The following CNTNAP4 variants were observed in gnomAD, a reference collection of about 807,000 sequenced individuals.
The protein encoded by CNTNAP4 is contactin-associated protein-like 4.
CNTNAP4 carries 98 observed loss-of-function variants against 148.4 expected under a neutral mutation model. That is an observed-to-expected ratio of 0.66 (90% CI 0.56 to 0.78). CNTNAP4 has a LOEUF of 0.78. Ranked by LOEUF, CNTNAP4 falls within the 30% of genes least tolerant of loss-of-function variation. The pLI is 0.00. For synonymous variants in CNTNAP4, 730 were observed against 565.1 expected (o/e 1.29, Z -4.14); for missense variants, 1,935 against 1,565.6 (o/e 1.24, Z -3.98).
At chr16:76,417,411 A>G (rs900728006) in intron 3 of CNTNAP4, among the ~76,000 whole-genome samples, 1 of 151,402 alleles carries the variant, frequency 6.6e-6, no homozygotes, top group East Asian at 1.9e-4. Context: ...ACCAAAGTCT[A>G]TTTTCAAATA....
Position 76,280,891 on chromosome 16 carries a change from T to A in CNTNAP4, c.85+3144T>A, listed in dbSNP as rs993306973. ...AACTTACCCCAAAAGAAGGAATGGG[T>A]ACAGTAGTAAGGCTGATAAGAGTTT... On this transcript the variant is annotated intron_variant, in intron 1 of 23. Transcript: ENST00000611870. Among the ~76,000 whole-genome samples the A allele has an allele frequency of 5.4e-4, 82 of 152,150 alleles. 5 individuals carry two copies.
intron 15 of CNTNAP4, among the ~76,000 whole-genome samples, chr16:76,520,554 G>A (rs1380276477): frequency 1.3e-5 from 2 of 152,150 alleles, no homozygotes; most frequent in Non-Finnish European, 2.9e-5. Context: ...AATAAAAAGA[G>A]CATTTTCATG....
At chr16:76,347,353 T>C (rs1305961017) in intron 2 of CNTNAP4, among the ~76,000 whole-genome samples, 3 of 152,174 alleles carry the variant, frequency 2.0e-5, no homozygotes, top group Non-Finnish European at 4.4e-5. Flanking sequence ...AAATACTTTT[T>C]TAAGCACCTA....
intron 3 of CNTNAP4, among the ~76,000 whole-genome samples, chr16:76,399,158 C>G (rs1413462576): frequency 6.6e-6 from 1 of 152,174 alleles, no homozygotes; most frequent in Non-Finnish European, 1.5e-5. Context: ...GTCCCTTAAA[C>G]TGCTTTCCTT....
intron 15 of CNTNAP4, among the ~76,000 whole-genome samples, chr16:76,503,056 T>C (rs1478788810): frequency 6.6e-6 from 1 of 152,226 alleles, no homozygotes; most frequent in African/African-American, 2.4e-5. Flanking sequence ...ACTGCTGCTA[T>C]TATTGTTGAT....
intron 18 of CNTNAP4, 48 bp from the exon 19 acceptor site, chr16:76,538,067 TC>T (rs34005173): frequency 1.2e-6 from 1 of 846,986 alleles, no homozygotes; most frequent in Non-Finnish European, 1.6e-6. Flanking sequence ...TAAAACAAAA[TC>T]CTTGTACTTA....
intron 15 of CNTNAP4, among the ~76,000 whole-genome samples, chr16:76,500,974 TA>T (rs1282532130): frequency 6.6e-6 from 1 of 152,178 alleles, no homozygotes; most frequent in African/African-American, 2.4e-5. Context: ...AATTTTATGC[TA>T]GGGGCACAAC....
intron 2 of CNTNAP4, among the ~76,000 whole-genome samples, chr16:76,348,315 T>A (rs567019765): frequency 1.3e-5 from 2 of 151,802 alleles, no homozygotes; most frequent in Admixed American, 6.6e-5. Flanking sequence ...GTTAAAGAGA[T>A]CAAGTAGAAT....
intron 3 of CNTNAP4, among the ~76,000 whole-genome samples, chr16:76,370,585 C>T (rs573235892): frequency 1.3e-5 from 2 of 152,290 alleles, no homozygotes; most frequent in Admixed American, 1.3e-4. Flanking sequence ...GGGACACAGT[C>T]CACGTCACTC....
intron 2 of CNTNAP4, among the ~76,000 whole-genome samples, chr16:76,336,500 C>G (rs528015268): frequency 6.6e-6 from 1 of 152,302 alleles, no homozygotes; most frequent in African/African-American, 2.4e-5. Context: ...GAACTTATCA[C>G]TCATGAGCCA....
chr16:76,404,684 A>T (rs2078541510), intron 3 of CNTNAP4, among the ~76,000 whole-genome samples: 1 of 152,174 alleles, frequency 6.6e-6, no homozygotes. Flanking sequence ...CATGCAATGA[A>T]TAATACATGA....
At chr16:76,296,395 G>T (rs547756625) in intron 1 of CNTNAP4, among the ~76,000 whole-genome samples, 1 of 152,224 alleles carries the variant, frequency 6.6e-6, no homozygotes, top group South Asian at 2.1e-4. Context: ...TCCTATAGCT[G>T]AGTTATTTCA....
At chr16:76,365,026 T>C (rs2013939457) in intron 3 of CNTNAP4, among the ~76,000 whole-genome samples, 1 of 152,246 alleles carries the variant, frequency 6.6e-6, no homozygotes, top group African/African-American at 2.4e-5. Flanking sequence ...TTTAAGTCTT[T>C]AATCCATCTT....
Position 76,427,557 on chromosome 16 carries a change from G to A in CNTNAP4, c.496G>A (p.Gly166Ser). 2 of 1,612,852 alleles carry A rather than the reference G, an allele frequency of 1.2e-6. No homozygotes were observed. Among genetic ancestry groups the A allele is most frequent in the Non-Finnish European group, 8.5e-7 (1 of 1,179,326 alleles). The change falls in exon 4 of 24, where the codon GGC (glycine) becomes AGC (serine). Residue 166 changes from glycine (G) to serine (S), a missense_variant. Gly to Ser is a moderately conservative substitution (Grantham distance 56). Transcript: ENST00000611870. ...RFIPLEWNPK[G>S]RIGMRIEVFG... is the part of the protein sequence containing the mutation. ...CATCCCTTTGGAATGGAACCCCAAG[G>A]GCAGAATTGGAATGCGAATCGAAGT... is the stretch of plus-strand genomic sequence containing the variant.
chr16:76,360,426 A>G (rs546954006), intron 3 of CNTNAP4, among the ~76,000 whole-genome samples: 2 of 152,358 alleles, frequency 1.3e-5, no homozygotes, highest in South Asian at 4.1e-4. Context: ...GCAGAAGTGC[A>G]AAAGAGATAT....
chr16:76,430,902 A>C (rs77899353), intron 4 of CNTNAP4, among the ~76,000 whole-genome samples: 1 of 152,198 alleles, frequency 6.6e-6, no homozygotes, highest in South Asian at 2.1e-4. Flanking sequence ...TAACTATGTG[A>C]ATCATACATG....
At position 76,492,495 on chromosome 16, in the gene CNTNAP4, C is replaced by T. The variant is rs145069550; in HGVS notation, c.2081-2415C>T. Among the ~76,000 whole-genome samples, 14 of 150,320 alleles carry T rather than the reference C, an allele frequency of 9.3e-5. No homozygotes were observed. The East Asian group carries it at 2.4e-3, about 25-fold the overall frequency. On this transcript the variant is annotated intron_variant, in intron 13 of 23. Transcript: ENST00000611870. ...GTAACAGAACCAGAAAGCAAAATCC[C>T]TGAGAGAGTGTTGAGCAAACACCAC...
In CNTNAP4 at chr16:76,427,538, T is replaced by TTTGGAATGGAACCCCAAGGGCAGAA; in HGVS notation, c.486_510dup (p.Arg171GlufsTer23). On this transcript the variant is annotated frameshift_variant, in exon 4 of 24. Transcript: ENST00000611870. LOFTEE classifies it high-confidence loss of function. ...AAGCCAGATTTCTGCGCTTCATCCC[T>TTTGGAATGGAACCCCAAGGGCAGAA]TTGGAATGGAACCCCAAGGGCAGAA... The TTTGGAATGGAACCCCAAGGGCAGAA allele has an allele frequency of 6.2e-7, 1 of 1,613,152 alleles. No individual in the cohort carries two copies.
intron 3 of CNTNAP4, among the ~76,000 whole-genome samples, chr16:76,374,535 A>G (rs974745087): frequency 2.0e-5 from 3 of 152,098 alleles, no homozygotes; most frequent in Non-Finnish European, 4.4e-5. Context: ...ATGATAGGTA[A>G]ATAATGAAAT....
Sources: allele counts gnomAD v4.1 joint callset (sites outside exome capture counted in the v4.1 genomes callset), GRCh38; gene constraint gnomAD v4.1.1; transcripts MANE v1.5; gene names NCBI Gene and HGNC (gene_info 2026-07-23, HGNC 2026-07-21).